Variants in GABRB1 observed in about 807,000 individuals in gnomAD.
GABRB1 encodes gamma-aminobutyric acid receptor subunit beta-1.
In GABRB1, 17 loss-of-function variants were observed where a neutral mutation model predicts 51.6. The observed-to-expected ratio is 0.33, with a 90% CI of 0.23 to 0.49. The LOEUF (loss-of-function observed/expected upper bound fraction) is 0.49. Among genes scored for constraint, GABRB1 ranks in the 20% least tolerant of loss-of-function variants. The pLI is 0.99. For synonymous variants in GABRB1, 247 were observed against 218.9 expected (o/e 1.13, Z -1.14); for missense variants, 410 against 600.6 (o/e 0.68, Z 3.32).
At position 47,195,449 on chromosome 4, in the gene GABRB1, AGATAGATTAGAT is replaced by A. The variant is rs1442890208; in HGVS notation, c.461+33988_461+33999del. Among the ~76,000 whole-genome samples, 85 of 83,404 alleles carry A rather than the reference AGATAGATTAGAT, an allele frequency of 1.0e-3. 1 individual carries two copies. Among genetic ancestry groups the A allele is most frequent in the African/African-American group, 8.3e-4 (18 of 21,734 alleles). The allele number at this position is 83,404 out of a possible 152,430, so 54.7% of individuals were successfully genotyped here. A position where few individuals can be genotyped will look rare whatever the true frequency, so the allele number is the denominator to read the frequency against. ...ATAGATAGATAGATAGATAGATGAT[AGATAGATTAGAT>A]GATAGATAGATAGATAGATAGATAG... On this transcript the variant is annotated intron_variant, in intron 4 of 8. Coordinates refer to ENST00000295454, the MANE Select transcript of GABRB1 (RefSeq NM_000812.4).
chr4:47,274,496 C>CTA (rs752212676), intron 4 of GABRB1, among the ~76,000 whole-genome samples: 88 of 152,262 alleles, frequency 5.8e-4, no homozygotes, highest in Admixed American at 9.2e-4. Context: ...TTTTCTATGA[C>CTA]TATCTATGAG....
intron 4 of GABRB1, among the ~76,000 whole-genome samples, chr4:47,305,276 G>C (rs188217473): frequency 7.6e-4 from 115 of 152,106 alleles, no homozygotes; most frequent in Non-Finnish European, 5.0e-4. Context: ...TTGTCCAACT[G>C]ACAATGATCT....
chr4:47,191,458 C>A (rs559868387), intron 4 of GABRB1, among the ~76,000 whole-genome samples: 2 of 152,138 alleles, frequency 1.3e-5, no homozygotes, highest in African/African-American at 4.8e-5. Context: ...ACCTTATTCA[C>A]CAATTTCAGT....
intron 4 of GABRB1, among the ~76,000 whole-genome samples, chr4:47,240,315 G>C (rs950839268): frequency 6.6e-6 from 1 of 152,116 alleles, no homozygotes; most frequent in East Asian, 1.9e-4. Flanking sequence ...ACAAAATGCC[G>C]ATCAAAGTCC....
chr4:47,416,262 G>A (rs915318613), intron 8 of GABRB1, among the ~76,000 whole-genome samples: 1 of 152,130 alleles, frequency 6.6e-6, no homozygotes, highest in Non-Finnish European at 1.5e-5. Flanking sequence ...CCAAAATAAG[G>A]CCTGTGTGGC....
intron 1 of GABRB1, among the ~76,000 whole-genome samples, chr4:47,018,318 C>T (rs1029716467): frequency 9.2e-5 from 14 of 152,024 alleles, no homozygotes. Context: ...TCCCAAAGTT[C>T]TGAGATTACA....
intron 4 of GABRB1, among the ~76,000 whole-genome samples, chr4:47,206,513 A>T (rs973628389): frequency 2.6e-5 from 4 of 151,994 alleles, no homozygotes; most frequent in Admixed American, 6.6e-5. Flanking sequence ...AGCATAATGA[A>T]TATTATCATT....
chr4:47,047,443 A>G (rs981524578), intron 3 of GABRB1, among the ~76,000 whole-genome samples: 4 of 152,148 alleles, frequency 2.6e-5, no homozygotes, highest in Admixed American at 6.6e-5. Context: ...ATATAAAAAA[A>G]TTAAGTAACT....
chr4:47,176,092 C>G (rs1342755062), intron 4 of GABRB1, among the ~76,000 whole-genome samples: 2 of 152,016 alleles, frequency 1.3e-5, no homozygotes, highest in African/African-American at 4.8e-5. Flanking sequence ...AAAGGGAGCA[C>G]ACAAATGAAT....
At chr4:47,099,360 G>C (rs980709017) in intron 3 of GABRB1, among the ~76,000 whole-genome samples, 4 of 151,988 alleles carry the variant, frequency 2.6e-5, no homozygotes, top group Non-Finnish European at 5.9e-5. Context: ...GACAAAATAT[G>C]AACTATGTTG....
At chr4:47,261,189 G>A (rs1489068750) in intron 4 of GABRB1, among the ~76,000 whole-genome samples, 2 of 152,192 alleles carry the variant, frequency 1.3e-5, no homozygotes, top group African/African-American at 4.8e-5. Flanking sequence ...AGAGTTGGAA[G>A]TTCTGGCCAG....
chr4:47,332,002 A>C (rs1412081006), intron 5 of GABRB1, among the ~76,000 whole-genome samples: 1 of 152,118 alleles, frequency 6.6e-6, no homozygotes, highest in Non-Finnish European at 1.5e-5. Flanking sequence ...ACTAGGTGTG[A>C]GTTGGGTGGT....
chr4:47,085,955 G>A (rs957914201), intron 3 of GABRB1, among the ~76,000 whole-genome samples: 2 of 152,202 alleles, frequency 1.3e-5, no homozygotes. Context: ...CCAGACTTGC[G>A]AAGGTGAAGA....
intron 3 of GABRB1, among the ~76,000 whole-genome samples, chr4:47,092,397 C>G (rs916015502): frequency 2.0e-5 from 3 of 151,064 alleles, no homozygotes; most frequent in Non-Finnish European, 4.4e-5. Context: ...CGTCTCGAAC[C>G]CCTGACTTAA....
chr4:47,142,557 A>G (rs1415376274), intron 3 of GABRB1, among the ~76,000 whole-genome samples: 1 of 151,912 alleles, frequency 6.6e-6, no homozygotes, highest in Admixed American at 6.6e-5. Flanking sequence ...GTTTTATAAC[A>G]TGATTACTCC....
At chr4:47,028,929 A>T (rs1240719416), upstream of GABRB1, among the ~76,000 whole-genome samples, 1 of 150,680 alleles carries the variant, frequency 6.6e-6, no homozygotes, top group Non-Finnish European at 1.5e-5. Context: ...TTACACTTAA[A>T]TATTTTAAAA....
intron 4 of GABRB1, among the ~76,000 whole-genome samples, chr4:47,165,718 C>A (rs186429970): frequency 9.2e-5 from 14 of 152,146 alleles, no homozygotes; most frequent in African/African-American, 2.9e-4. Flanking sequence ...ATCTAACCTC[C>A]CAAACCACTG....
intron 4 of GABRB1, among the ~76,000 whole-genome samples, chr4:47,248,546 TTCTC>T (rs1721854584): frequency 6.6e-6 from 1 of 152,134 alleles, no homozygotes; most frequent in East Asian, 1.9e-4. Context: ...GGTTCTTTCT[TTCTC>T]TATCTTGTGG....
intron 4 of GABRB1, among the ~76,000 whole-genome samples, chr4:47,293,126 G>GTT (rs1160651154): frequency 6.6e-6 from 1 of 152,016 alleles, no homozygotes; most frequent in Non-Finnish European, 1.5e-5. Flanking sequence ...TGTTGTTGTT[G>GTT]TTGTTGTTGT....
Sources: gnomAD v4.1 joint callset for allele counts (sites outside exome capture counted in the v4.1 genomes callset) on GRCh38, gnomAD v4.1.1 for gene constraint, MANE v1.5 for transcripts, NCBI Gene and HGNC (gene_info 2026-07-23, HGNC 2026-07-21) for gene names.